The following USP13 variants were observed in gnomAD, a reference collection of about 807,000 sequenced individuals.
USP13 encodes ubiquitin specific peptidase 13.
A neutral mutation model predicts 107.8 loss-of-function variants in USP13; 68 were observed. The observed-to-expected ratio is 0.63, with a 90% confidence interval of 0.52 to 0.77. The LOEUF (loss-of-function observed/expected upper bound fraction) is 0.77. USP13 is among the 30% of genes least tolerant of loss of function. The pLI is 0.00. For missense variants in USP13, 945 were observed against 1,093.3 expected, an observed-to-expected ratio of 0.86 and a Z score of 1.91; for synonymous variants, 377 against 389.5, an observed-to-expected ratio of 0.97 and a Z score of 0.38.
intron 3 of USP13, among the ~76,000 whole-genome samples, chr3:179,699,099 C>G (rs1179122269): frequency 2.0e-5 from 3 of 152,082 alleles, no homozygotes; most frequent in Non-Finnish European, 4.4e-5. Flanking sequence ...GAACTCCTGA[C>G]CTCGTGATCC....
At position 179,659,223 on chromosome 3, in the gene USP13, G is replaced by C. The variant is rs1359395360; in HGVS notation, c.168+5830G>C. Among the ~76,000 whole-genome samples, 3 of 152,184 alleles carry C rather than the reference G, an allele frequency of 2.0e-5. No homozygotes were observed. The South Asian group carries it at 6.2e-4, about 32-fold the overall frequency. On this transcript the variant is annotated intron_variant, in intron 1 of 20. Coordinates refer to ENST00000263966, the MANE Select transcript of USP13 (RefSeq NM_003940.3). ...AGATATCCACCAGGAAAGACTTTGA[G>C]ATCTCCATCTACTTGTGGGAACACT...
At chr3:179,680,258 C>T (rs1342022528) in intron 1 of USP13, among the ~76,000 whole-genome samples, 1 of 152,070 alleles carries the variant, frequency 6.6e-6, no homozygotes, top group Non-Finnish European at 1.5e-5. Flanking sequence ...ATCAGACATG[C>T]AATAACGTGC....
intron 19 of USP13, among the ~76,000 whole-genome samples, chr3:179,780,853 G>A (rs2108556703): frequency 6.6e-6 from 1 of 152,324 alleles, no homozygotes; most frequent in East Asian, 1.9e-4. Context: ...TGGAGCACTA[G>A]CAAAATCAAT....
rs773773506 is a variant in USP13, at chr3:179,690,299, T to A, written c.353T>A (p.Leu118Ter). ...AAAAGGAGGAATTCCAAGATTTTTT[T>A]AGGTAAATAGTTATCAGTAGCATGC... ...LPKRRNSKIFLDLDTDDDLNS... is the reference protein window; with the variant it reads ...LPKRRNSKIF The change falls in exon 3 of 21, where the codon TTA becomes TAA. Residue 118 changes from leucine to a stop codon, truncating the protein, a stop_gained and splice_region_variant. Coordinates refer to ENST00000263966, the MANE Select transcript of USP13 (RefSeq NM_003940.3). LOFTEE classifies it high-confidence loss of function. 7.4e-6 allele frequency: 12 copies of A among 1,613,842 alleles called. No individual in the cohort carries two copies. Among genetic ancestry groups the A allele is most frequent in the Non-Finnish European group, 1.0e-5 (12 of 1,179,866 alleles).
chr3:179,729,118 G>T (rs1178633149), intron 8 of USP13, among the ~76,000 whole-genome samples: 2 of 152,236 alleles, frequency 1.3e-5, no homozygotes, highest in Non-Finnish European at 2.9e-5. Context: ...AACAGGGCCT[G>T]GCAATGGGGG....
At chr3:179,657,688 T>G (rs983539818) in intron 1 of USP13, among the ~76,000 whole-genome samples, 1 of 128,310 alleles carries the variant, frequency 7.8e-6, no homozygotes, top group Non-Finnish European at 1.5e-5. Flanking sequence ...CGCTTGAACC[T>G]GGGAGGCAGA....
At chr3:179,767,562 T>C (rs1165154679) in intron 19 of USP13, among the ~76,000 whole-genome samples, 2 of 152,082 alleles carry the variant, frequency 1.3e-5, no homozygotes, top group African/African-American at 4.8e-5. Context: ...GTAGCTGGAA[T>C]TACAGGTTTG....
At chr3:179,768,905 C>T (rs563573912) in intron 19 of USP13, among the ~76,000 whole-genome samples, 18 of 152,104 alleles carry the variant, frequency 1.2e-4, no homozygotes, top group African/African-American at 4.3e-4. Flanking sequence ...CTTTCTTTTT[C>T]CTTTGTAAAA....
chr3:179,755,223 A>G (rs9846426), intron 15 of USP13, among the ~76,000 whole-genome samples: 14 of 151,934 alleles, frequency 9.2e-5, no homozygotes, highest in Non-Finnish European at 1.9e-4. Flanking sequence ...TTTTTACTGC[A>G]TCATAGAAAG....
chr3:179,699,118 C>T (rs971305791), intron 3 of USP13, among the ~76,000 whole-genome samples: 5 of 152,234 alleles, frequency 3.3e-5, no homozygotes, highest in Middle Eastern at 3.4e-3. Context: ...CCACCTGCCT[C>T]GGCCTTCCAA....
At chr3:179,710,480 A>G (rs531431114) in intron 6 of USP13, among the ~76,000 whole-genome samples, 9 of 152,348 alleles carry the variant, frequency 5.9e-5, no homozygotes, top group African/African-American at 1.7e-4. Context: ...GTTCAACACT[A>G]TAACTGTTCG....
chr3:179,693,110 G>T (rs1712167381), intron 3 of USP13, among the ~76,000 whole-genome samples: 1 of 151,988 alleles, frequency 6.6e-6, no homozygotes. Flanking sequence ...TTATATCCAG[G>T]TTCTTTACAA....
chr3:179,756,606 C>T (rs1714809859), intron 15 of USP13, among the ~76,000 whole-genome samples: 1 of 151,754 alleles, frequency 6.6e-6, no homozygotes, highest in South Asian at 2.1e-4. Context: ...TAAAAGTTTG[C>T]CAGGCGTGGT....
chr3:179,689,590 G>A (rs1712028472), intron 2 of USP13, among the ~76,000 whole-genome samples: 2 of 151,814 alleles, frequency 1.3e-5, no homozygotes, highest in African/African-American at 2.4e-5. Context: ...CCCAGGAGGC[G>A]GAGGTTGCTG....
In USP13 at chr3:179,734,092, G is replaced by A. The variant is rs192014733; in HGVS notation, c.1254+3383G>A. On this transcript the variant is annotated intron_variant, in intron 10 of 20. Coordinates refer to ENST00000263966, the MANE Select transcript of USP13 (RefSeq NM_003940.3). ...AGGGTTTCTCACTGGCGTCTTCCAAGTTGAGTCATTTCTAGAATATATACT... is the reference window on the plus strand; with the variant it reads ...AGGGTTTCTCACTGGCGTCTTCCAAATTGAGTCATTTCTAGAATATATACT... Among the ~76,000 whole-genome samples the A allele has an allele frequency of 5.9e-4, 90 of 152,304 alleles. 2 individuals carry two copies. Among genetic ancestry groups the A allele is most frequent in the Admixed American group, 5.9e-3 (90 of 15,304 alleles).
intron 19 of USP13, among the ~76,000 whole-genome samples, chr3:179,778,000 A>T (rs1169719817): frequency 6.6e-6 from 1 of 152,162 alleles, no homozygotes; most frequent in East Asian, 1.9e-4. Context: ...TGCCTGGATC[A>T]CTGTTTCAAA....
intron 19 of USP13, among the ~76,000 whole-genome samples, chr3:179,767,706 T>C (rs1159679119): frequency 1.3e-5 from 2 of 152,214 alleles, no homozygotes; most frequent in Admixed American, 1.3e-4. Context: ...ATTTGGCTTT[T>C]ATAAAACTCA....
At chr3:179,748,517 G>A (rs1413269852) in intron 13 of USP13, among the ~76,000 whole-genome samples, 2 of 152,138 alleles carry the variant, frequency 1.3e-5, no homozygotes, top group East Asian at 1.9e-4. Flanking sequence ...AGATCTTGGC[G>A]GATCTTGCAT....
chr3:179,717,990 A>G (rs1268052852), intron 6 of USP13, among the ~76,000 whole-genome samples: 1 of 152,126 alleles, frequency 6.6e-6, no homozygotes, highest in East Asian at 1.9e-4. Flanking sequence ...GCGAGTCTCC[A>G]TATATCTGGG....
Sources: gnomAD v4.1 joint callset for allele counts (sites outside exome capture counted in the v4.1 genomes callset) on GRCh38, gnomAD v4.1.1 for gene constraint, MANE v1.5 for transcripts, NCBI Gene and HGNC (gene_info 2026-07-23, HGNC 2026-07-21) for gene names.